The following DHRS3 variants were observed in gnomAD, a reference collection of about 807,000 sequenced individuals.
DHRS3 encodes short-chain dehydrogenase/reductase 3.
DHRS3 carries 14 observed loss-of-function variants against 27.2 expected under a neutral mutation model. That is an observed-to-expected ratio of 0.52 (90% confidence interval 0.34 to 0.81). The LOEUF is 0.81. Ranked by LOEUF, DHRS3 falls within the 30% of genes least tolerant of loss-of-function variation. DHRS3 has a pLI of 0.01. For missense variants in DHRS3, 322 were observed against 406.2 expected, an observed-to-expected ratio of 0.79 and a Z score of 1.78; for synonymous variants, 165 against 175.9, an observed-to-expected ratio of 0.94 and a Z score of 0.49.
intron 2 of DHRS3, 42 bp from the exon 3 acceptor site, chr1:12,579,454 C>A: frequency 6.2e-7 from 1 of 1,606,312 alleles, no homozygotes; most frequent in South Asian, 1.1e-5. Flanking sequence ...GGGCAGCCAG[C>A]CCAGGGCCAA....
chr1:12,611,688 C>T (rs901194862), intron 1 of DHRS3, among the ~76,000 whole-genome samples: 7 of 152,046 alleles, frequency 4.6e-5, no homozygotes, highest in South Asian at 4.1e-4. Context: ...ATGTGTAAGA[C>T]GAGAATTTTT....
In DHRS3 at chr1:12,601,195, C is replaced by T. The variant is rs568769884; in HGVS notation, c.195+15959G>A. On this transcript the variant is annotated intron_variant, in intron 1 of 5. Transcript: ENST00000616661. ...ATCCCCCCATCTGCCCTGCAGAAGC[C>T]GACCTCCCGACTCCCAAACCCTATG... 2.9e-4 allele frequency among the ~76,000 whole-genome samples: 44 copies of T among 152,096 alleles called. 1 individual carries two copies. The highest frequency in any genetic ancestry group is 7.5e-4 in the African/African-American group (31 of 41,488).
At chr1:12,596,611 A>G (rs1646799763) in intron 1 of DHRS3, among the ~76,000 whole-genome samples, 1 of 152,080 alleles carries the variant, frequency 6.6e-6, no homozygotes, top group Admixed American at 6.5e-5. Flanking sequence ...GAGAGCCTGC[A>G]CTGCCCTTTG....
rs535518722 is a variant in DHRS3 at position 12,574,729 on chromosome 1, C to T, written c.699-1876G>A. 4.6e-5 allele frequency among the ~76,000 whole-genome samples: 7 copies of T among 152,332 alleles called. No homozygotes were observed. The highest frequency in any genetic ancestry group is 1.3e-4 in the Admixed American group (2 of 15,298). ...CTGCCAGGGAAGCCGACAGAGGAGGCCTCAAGCACGTCTGTGCGCAGGATT... is the reference window on the plus strand; with the variant it reads ...CTGCCAGGGAAGCCGACAGAGGAGGTCTCAAGCACGTCTGTGCGCAGGATT... On this transcript the variant is annotated intron_variant, in intron 4 of 5. Coordinates refer to ENST00000616661, the MANE Select transcript of DHRS3 (RefSeq NM_004753.7). This position sits in a 1 kb window ranked among gnomAD's most constrained non-coding sequence, Gnocchi z 4.6.
At chr1:12,599,861 G>A (rs1646823118) in intron 1 of DHRS3, among the ~76,000 whole-genome samples, 1 of 152,204 alleles carries the variant, frequency 6.6e-6, no homozygotes, top group Admixed American at 6.5e-5. Context: ...TAACGTCTCT[G>A]AGCCCTAGTA....
chr1:12,606,311 CAAAAAAA>C lies in DHRS3; in HGVS notation c.195+10836_195+10842del, dbSNP rs56928608. 5.6e-3 allele frequency among the ~76,000 whole-genome samples: 548 copies of C among 98,218 alleles called. 5 individuals carry two copies. The highest frequency in any genetic ancestry group is 0.02 in the African/African-American group (474 of 23,792). The allele number at this position is 98,218 out of a possible 152,430, so 64.4% of individuals were successfully genotyped here. A position where few individuals can be genotyped will look rare whatever the true frequency, so the allele number is the denominator to read the frequency against. ...ACTGAAGAGGACTGACAATTAACAG[CAAAAAAA>C]AAAAAAAAAAAGCCAATACCATAGA... On this transcript the variant is annotated intron_variant, in intron 1 of 5. Transcript: ENST00000616661.
At chr1:12,588,408 C>G (rs1051464686) in intron 1 of DHRS3, among the ~76,000 whole-genome samples, 3 of 152,212 alleles carry the variant, frequency 2.0e-5, no homozygotes, top group African/African-American at 7.2e-5. Flanking sequence ...CGCAGACAGA[C>G]AGTGACTCAC....
intron 1 of DHRS3, among the ~76,000 whole-genome samples, chr1:12,613,911 G>C (rs75523956): frequency 7.3e-4 from 111 of 151,850 alleles, no homozygotes; most frequent in African/African-American, 2.4e-3. Flanking sequence ...CTGGGATTAC[G>C]GGCGCTTACC....
intron 4 of DHRS3, among the ~76,000 whole-genome samples, chr1:12,576,203 A>G (rs554157104): frequency 6.6e-6 from 1 of 152,262 alleles, no homozygotes; most frequent in South Asian, 2.1e-4. Flanking sequence ...AGAAGGTGAA[A>G]TAGACACACA....
chr1:12,597,544 A>G (rs1646807056), intron 1 of DHRS3, among the ~76,000 whole-genome samples: 1 of 152,108 alleles, frequency 6.6e-6, no homozygotes, highest in Admixed American at 6.5e-5. Context: ...ATCTGAAGTG[A>G]TGGTGGTTAT....
chr1:12,572,369 G>A (rs1011719672), intron 5 of DHRS3, among the ~76,000 whole-genome samples: 5 of 151,976 alleles, frequency 3.3e-5, no homozygotes, highest in Admixed American at 6.6e-5. Context: ...ACAAGGTTTC[G>A]CCATTTTAGC....
At chr1:12,579,261 C>T (rs12041395) in intron 3 of DHRS3, 32 bp downstream of exon 3, 75,314 of 1,613,846 alleles carry the variant, frequency 0.047, 2,316 homozygotes, top group East Asian at 0.17. Context: ...CCTGCACGCC[C>T]GGGGCTGGCT....
intron 1 of DHRS3, among the ~76,000 whole-genome samples, chr1:12,607,648 T>C (rs930858257): frequency 2.6e-5 from 4 of 152,106 alleles, no homozygotes; most frequent in Admixed American, 2.6e-4. Context: ...TCTATAGCAA[T>C]GTGAGAAAGG....
chr1:12,571,996 G>A (rs1045061274), intron 5 of DHRS3, among the ~76,000 whole-genome samples: 1 of 152,040 alleles, frequency 6.6e-6, no homozygotes, highest in African/African-American at 2.4e-5. Context: ...GCCAAACAAA[G>A]AGATTTGCAA....
chr1:12,577,238 T>C (rs1646597587), intron 4 of DHRS3, among the ~76,000 whole-genome samples: 1 of 152,176 alleles, frequency 6.6e-6, no homozygotes, highest in African/African-American at 2.4e-5. Context: ...TGCCCCTACA[T>C]AACTGCACAT....
chr1:12,570,230 C>T (rs115758636), intron 5 of DHRS3, among the ~76,000 whole-genome samples: 119 of 152,318 alleles, frequency 7.8e-4, no homozygotes, highest in African/African-American at 2.7e-3. Flanking sequence ...CTGGGCTCAC[C>T]TTCAGGCTTC....
At chr1:12,584,323 G>C (rs970706195) in intron 1 of DHRS3, among the ~76,000 whole-genome samples, 4 of 152,154 alleles carry the variant, frequency 2.6e-5, no homozygotes, top group African/African-American at 9.7e-5. Flanking sequence ...AGGAATGAAG[G>C]CTGTCTCCCA....
intron 1 of DHRS3, among the ~76,000 whole-genome samples, chr1:12,603,161 G>C (rs977280593): frequency 1.3e-5 from 2 of 152,212 alleles, no homozygotes; most frequent in Non-Finnish European, 2.9e-5. Flanking sequence ...ACACATCTGG[G>C]GTGGGAGTGT....
chr1:12,577,137 A>C (rs1390572935), intron 4 of DHRS3, among the ~76,000 whole-genome samples: 2 of 152,070 alleles, frequency 1.3e-5, no homozygotes, highest in Non-Finnish European at 2.9e-5. Flanking sequence ...GCAATATATA[A>C]TCAGAAGGTG....
Sources: allele counts gnomAD v4.1 joint callset (sites outside exome capture counted in the v4.1 genomes callset), GRCh38; gene constraint gnomAD v4.1.1; non-coding constraint Gnocchi (gnomAD v3.1); transcripts MANE v1.5; gene names NCBI Gene and HGNC (gene_info 2026-07-23, HGNC 2026-07-21).